FLNB: variants seen among roughly 807,000 people sequenced by gnomAD.
FLNB encodes filamin B.
Under a neutral mutation model 250.6 loss-of-function variants are expected in FLNB, and 111 were observed. That is an observed-to-expected ratio of 0.44 (90% confidence interval 0.38 to 0.52). The LOEUF (loss-of-function observed/expected upper bound fraction) is 0.52. FLNB is among the 20% of genes least tolerant of loss of function. The pLI, the probability that FLNB is intolerant of heterozygous loss-of-function variation, is 0.00. For missense variants in FLNB, 2,869 were observed against 3,447.8 expected (o/e 0.83, Z 4.20); for synonymous variants, 1,302 against 1,372.1 (o/e 0.95, Z 1.13).
intron 1 of FLNB, among the ~76,000 whole-genome samples, chr3:58,058,373 C>CA (rs2097173468): frequency 6.6e-6 from 1 of 152,116 alleles, no homozygotes; most frequent in Non-Finnish European, 1.5e-5. Flanking sequence ...CTGATGTAAG[C>CA]AGTGGGCCAA....
chr3:58,125,637 A>G lies in FLNB; in HGVS notation c.3955A>G (p.Lys1319Glu), dbSNP rs915665255. 6 of 1,614,074 alleles carry G rather than the reference A, an allele frequency of 3.7e-6. No homozygotes were observed. The African/African-American group carries it at 8.0e-5, about 22-fold the overall frequency. Reference protein sequence around the residue: ...DDVPIPNSPFKVAVTEGCQPS... With the variant: ...DDVPIPNSPFEVAVTEGCQPS... ...CGTGCCTATCCCAAACAGTCCCTTC[A>G]AGGTGGCTGTCACTGAAGGCTGCCA... is the stretch of plus-strand genomic sequence containing the variant. The change falls in exon 23 of 46, where the codon AAG becomes GAG. Residue 1319 changes from lysine to glutamate, a missense_variant. By Grantham distance (56) the Lys-to-Glu change is moderately conservative. Around this residue, in one of 5 missense-constraint regions of FLNB, gnomAD observed 1,348 missense variants for 1,466.7 expected, o/e 0.92. Transcript: ENST00000295956.
intron 1 of FLNB, among the ~76,000 whole-genome samples, chr3:58,010,565 A>G (rs1197867504): frequency 6.6e-6 from 1 of 152,134 alleles, no homozygotes; most frequent in African/African-American, 2.4e-5. Flanking sequence ...AATCTCCTGG[A>G]ATTCTTTACC....
rs2097112082 is a variant in FLNB at position 58,020,411 on chromosome 3, G to A, written c.292+11555G>A. On this transcript the variant is annotated intron_variant, in intron 1 of 45. Coordinates refer to ENST00000295956, the MANE Select transcript of FLNB (RefSeq NM_001457.4). ...GCTGTGGCAGCACAAAGTTGTGTGA[G>A]CCAGAGCTGAACTTGTGATCCCCAC... Among the ~76,000 whole-genome samples the A allele has an allele frequency of 2.6e-5, 4 of 152,200 alleles. No homozygotes were observed. The South Asian group carries it at 8.3e-4, about 31-fold the overall frequency.
At position 58,008,770 on chromosome 3, in the gene FLNB, G is replaced by C; in HGVS notation, c.206G>C (p.Arg69Pro). The C allele has an allele frequency of 6.2e-7, 1 of 1,613,988 alleles. No homozygotes were observed. The highest frequency in any genetic ancestry group is 1.3e-5 in the African/African-American group (1 of 75,058). ...QKRMYRKYHQ[R>P]PTFRQMQLEN... is the part of the protein sequence containing the mutation. ...CGCATGTACCGCAAGTACCATCAGC[G>C]GCCCACCTTTCGCCAGATGCAGCTC... The change falls in exon 1 of 46, where the codon CGG (arginine) becomes CCG (proline). Residue 69 changes from arginine to proline, a missense_variant. Physicochemically the swap from Arg to Pro is moderately radical, Grantham distance 103. Transcript: ENST00000295956.
intron 19 of FLNB, among the ~76,000 whole-genome samples, chr3:58,119,959 G>C (rs2097285698): frequency 6.6e-6 from 1 of 152,224 alleles, no homozygotes; most frequent in South Asian, 2.1e-4. Context: ...TTTTCCGTCT[G>C]TGTTTACTGC....
intron 18 of FLNB, among the ~76,000 whole-genome samples, chr3:58,118,455 G>A (rs1204448590): frequency 6.6e-6 from 1 of 152,166 alleles, no homozygotes; most frequent in Admixed American, 6.5e-5. Context: ...GGGGCCATGG[G>A]TATGAGGCCC....
intron 2 of FLNB, among the ~76,000 whole-genome samples, chr3:58,078,029 A>G (rs1383416825): frequency 6.6e-6 from 1 of 152,178 alleles, no homozygotes; most frequent in African/African-American, 2.4e-5. Context: ...TACTGGGCAC[A>G]TTAGTATTTA....
At chr3:58,054,753 C>T (rs1023336008) in intron 1 of FLNB, among the ~76,000 whole-genome samples, 2 of 152,058 alleles carry the variant, frequency 1.3e-5, no homozygotes, top group Non-Finnish European at 2.9e-5. Context: ...GGGACATAGC[C>T]AAGCCACATC....
At chr3:58,088,335 A>G (rs1468898706) in intron 4 of FLNB, among the ~76,000 whole-genome samples, 1 of 152,172 alleles carries the variant, frequency 6.6e-6, no homozygotes, top group Non-Finnish European at 1.5e-5. Context: ...GGTGTGAGCC[A>G]CTGTGTCCAG....
chr3:58,048,884 A>G (rs2097158132), intron 1 of FLNB, among the ~76,000 whole-genome samples: 2 of 152,186 alleles, frequency 1.3e-5, no homozygotes, highest in Non-Finnish European at 2.9e-5. Context: ...TTTGTATTTT[A>G]AACATTGGCT....
At chr3:58,159,780 CATT>C (rs2097358657) in intron 42 of FLNB, 94 bp downstream of exon 42, 3 of 1,331,356 alleles carry the variant, frequency 2.3e-6, no homozygotes, top group Non-Finnish European at 3.2e-6. Context: ...TGATCAGTTT[CATT>C]ACTGCCAGTG....
Position 58,170,894 on chromosome 3 carries a change from A to G in FLNB, c.*132A>G. ...ATCCCTAAAATATTGCTGTTGTAAA[A>G]TGCCTTCAGAAATAAGTCCTAGACT... On this transcript the variant is annotated 3_prime_UTR_variant, in exon 46 of 46. Coordinates refer to ENST00000295956, the MANE Select transcript of FLNB (RefSeq NM_001457.4). 2.5e-6 allele frequency: 2 copies of G among 809,388 alleles called. No individual in the cohort carries two copies. Among genetic ancestry groups the G allele is most frequent in the Non-Finnish European group, 4.1e-6 (2 of 490,552 alleles). The allele number at this position is 809,388 out of a possible 1,614,324, so 50.1% of individuals were successfully genotyped here.
intron 29 of FLNB, among the ~76,000 whole-genome samples, chr3:58,141,028 G>A (rs1326837353): frequency 6.6e-6 from 1 of 152,136 alleles, no homozygotes; most frequent in East Asian, 1.9e-4. Flanking sequence ...TGAGAGGGTT[G>A]CTGGATCCCA....
At chr3:58,021,285 G>C (rs2097113694) in intron 1 of FLNB, among the ~76,000 whole-genome samples, 1 of 152,180 alleles carries the variant, frequency 6.6e-6, no homozygotes, top group Non-Finnish European at 1.5e-5. Flanking sequence ...GAGGTGCAAG[G>C]TCTTTGAGCT....
chr3:58,137,661 A>G (rs973402119), intron 28 of FLNB, among the ~76,000 whole-genome samples: 1 of 152,228 alleles, frequency 6.6e-6, no homozygotes, highest in African/African-American at 2.4e-5. Context: ...AGAAATCAAG[A>G]GAGAGACTGG....
At chr3:58,077,368 C>A in intron 2 of FLNB, 74 bp downstream of exon 2, 1 of 1,543,660 alleles carries the variant, frequency 6.5e-7, no homozygotes, top group Non-Finnish European at 8.9e-7. Context: ...TGGTTTTCAA[C>A]GGGAATGCTA....
At chr3:58,068,063 C>T (rs565781909) in intron 1 of FLNB, among the ~76,000 whole-genome samples, 4 of 152,272 alleles carry the variant, frequency 2.6e-5, no homozygotes, top group African/African-American at 9.6e-5. Flanking sequence ...GGCTGGCAAT[C>T]GGGGAAAGAG....
intron 16 of FLNB, among the ~76,000 whole-genome samples, chr3:58,111,526 A>G (rs1208782236): frequency 1.3e-5 from 2 of 152,178 alleles, no homozygotes; most frequent in Admixed American, 6.5e-5. Context: ...TGAGTACTCA[A>G]CATTCAGTAT....
At chr3:58,105,237 A>G (rs1281666092) in intron 11 of FLNB, 21 bp downstream of exon 11, 2 of 1,614,086 alleles carry the variant, frequency 1.2e-6, no homozygotes, top group Non-Finnish European at 1.7e-6. Context: ...ACAGCTGACC[A>G]GCATCTTCTG....
Sources: allele counts gnomAD v4.1 joint callset (sites outside exome capture counted in the v4.1 genomes callset), GRCh38; gene constraint gnomAD v4.1.1; regional missense constraint gnomAD v4.1.1; transcripts MANE v1.5; gene names NCBI Gene and HGNC (gene_info 2026-07-23, HGNC 2026-07-21).